The following TBC1D19 variants were observed in gnomAD, a reference collection of about 807,000 sequenced individuals.
TBC1D19 encodes TBC1 domain family, member 19.
In TBC1D19, 60 loss-of-function variants were observed where a neutral mutation model predicts 89.0. That is an observed-to-expected ratio of 0.67 (90% CI 0.55 to 0.84). The LOEUF is 0.84. Ranked by LOEUF, TBC1D19 falls within the 40% of genes least tolerant of loss-of-function variation. The pLI, the probability that TBC1D19 is intolerant of heterozygous loss-of-function variation, is 0.00. For synonymous variants in TBC1D19, 189 were observed against 199.7 expected (o/e 0.95, Z 0.45); for missense variants, 500 against 610.8 (o/e 0.82, Z 1.91).
chr4:26,745,435 A>G (rs975743833), intron 18 of TBC1D19, among the ~76,000 whole-genome samples: 13 of 137,840 alleles, frequency 9.4e-5, no homozygotes, highest in African/African-American at 3.5e-4. Context: ...TATCTCCACT[A>G]TTAGATTTTT....
chr4:26,673,446 T>TATATATATATATATAC (rs373807642), intron 10 of TBC1D19, among the ~76,000 whole-genome samples: 1 of 90,884 alleles, frequency 1.1e-5, no homozygotes, highest in Admixed American at 1.5e-4. Flanking sequence ...TATATATATA[T>TATATATATATATATAC]ACACACACAC....
chr4:26,594,327 C>T (rs925336089), intron 1 of TBC1D19, among the ~76,000 whole-genome samples: 23 of 152,126 alleles, frequency 1.5e-4, no homozygotes, highest in African/African-American at 5.1e-4. Context: ...ACATCACACA[C>T]GGAGGCCTGT....
the TBC1D19 span, among the ~76,000 whole-genome samples, chr4:26,837,304 C>A: frequency 6.6e-6 from 1 of 152,046 alleles, no homozygotes; most frequent in Non-Finnish European, 1.5e-5. Flanking sequence ...TGGAGAAGAC[C>A]ATTTTGCTTA....
At chr4:26,594,757 A>T (rs1293049916) in intron 1 of TBC1D19, among the ~76,000 whole-genome samples, 1 of 152,142 alleles carries the variant, frequency 6.6e-6, no homozygotes. Context: ...AATCCGACTG[A>T]GCCGGTGCAC....
the TBC1D19 span, among the ~76,000 whole-genome samples, chr4:26,854,596 G>C: frequency 6.6e-6 from 1 of 152,316 alleles, no homozygotes; most frequent in Middle Eastern, 3.4e-3. Context: ...TCCTTGGAGC[G>C]TGACTTGTTG....
intron 1 of TBC1D19, among the ~76,000 whole-genome samples, chr4:26,599,850 A>G (rs1740476740): frequency 6.9e-6 from 1 of 145,848 alleles, no homozygotes; most frequent in African/African-American, 2.5e-5. Flanking sequence ...GAGGAGGCTG[A>G]GGCAGGAGAA....
chr4:26,610,546 TCAC>T, intron 1 of TBC1D19, among the ~76,000 whole-genome samples: 1 of 152,088 alleles, frequency 6.6e-6, no homozygotes, highest in Non-Finnish European at 1.5e-5. Context: ...GATTATTTCG[TCAC>T]CCAGATAGTG....
In TBC1D19 at chr4:26,735,517, T is replaced by C. The variant is rs756357759; in HGVS notation, c.1117+30T>C. The C allele has an allele frequency of 2.0e-6, 3 of 1,531,970 alleles. No homozygotes were observed. The East Asian group carries it at 7.0e-5, about 36-fold the overall frequency. 94.9% of individuals were successfully genotyped at this position (1,531,970 alleles called of 1,614,324 possible). A position where few individuals can be genotyped will look rare whatever the true frequency, so the allele number is the denominator to read the frequency against. On this transcript the variant is annotated intron_variant, in intron 16 of 20. Coordinates refer to ENST00000264866, the MANE Select transcript of TBC1D19 (RefSeq NM_018317.4). ...GTTGGGCTTTAAAAACATCATAATGTACACAAAACATACAATGTTATCTGT... is the reference window on the plus strand; with the variant it reads ...GTTGGGCTTTAAAAACATCATAATGCACACAAAACATACAATGTTATCTGT...
At chr4:26,613,728 A>G (rs1197902493) in intron 2 of TBC1D19, among the ~76,000 whole-genome samples, 1 of 152,220 alleles carries the variant, frequency 6.6e-6, no homozygotes, top group Non-Finnish European at 1.5e-5. Flanking sequence ...ATGGATAAAT[A>G]CATCCATAAG....
chr4:26,797,692 T>C, the TBC1D19 span, among the ~76,000 whole-genome samples: 2 of 152,096 alleles, frequency 1.3e-5, no homozygotes, highest in African/African-American at 4.8e-5. Context: ...GCTACAAAAT[T>C]AGACACATAG....
the TBC1D19 span, among the ~76,000 whole-genome samples, chr4:26,823,523 G>T: frequency 6.6e-6 from 1 of 152,224 alleles, no homozygotes; most frequent in Non-Finnish European, 1.5e-5. Context: ...AAGATGTGGG[G>T]TGTGGAATTG....
chr4:26,637,317 T>C (rs1163363648), intron 5 of TBC1D19, 32 bp downstream of exon 5: 5 of 1,466,490 alleles, frequency 3.4e-6, no homozygotes, highest in Non-Finnish European at 4.7e-6. Flanking sequence ...TTTAAGTATT[T>C]CATTGTGAAT....
intron 1 of TBC1D19, among the ~76,000 whole-genome samples, chr4:26,598,566 T>G (rs541075896): frequency 6.6e-6 from 1 of 152,256 alleles, no homozygotes; most frequent in South Asian, 2.1e-4. Flanking sequence ...AGCTAATTTT[T>G]TGTATTTTTA....
upstream of TBC1D19, chr4:26,583,956 G>A (rs181485058): frequency 5.6e-4 from 304 of 542,006 alleles, no homozygotes; most frequent in African/African-American, 5.5e-3. Context: ...TGTGAAAAGC[G>A]TCCTCCCCGC....
At chr4:26,848,988 T>G in the TBC1D19 span, among the ~76,000 whole-genome samples, 1 of 152,002 alleles carries the variant, frequency 6.6e-6, no homozygotes, top group Non-Finnish European at 1.5e-5. Flanking sequence ...GGTCCCGGAG[T>G]TTGAGACCCT....
At chr4:26,847,637 A>G in the TBC1D19 span, among the ~76,000 whole-genome samples, 1 of 152,214 alleles carries the variant, frequency 6.6e-6, no homozygotes, top group African/African-American at 2.4e-5. Context: ...TATTGCTTTT[A>G]CTCCAAGCTG....
chr4:26,748,925 A>C (rs1277972127), intron 19 of TBC1D19, among the ~76,000 whole-genome samples: 3 of 152,164 alleles, frequency 2.0e-5, no homozygotes, highest in African/African-American at 7.2e-5. Context: ...AACACCTAAG[A>C]TCCAAACTGA....
chr4:26,613,142 CTTTT>C (rs775236160), intron 1 of TBC1D19, 23 bp from the exon 2 acceptor site: 1 of 1,413,772 alleles, frequency 7.1e-7, no homozygotes, highest in Non-Finnish European at 9.6e-7. Flanking sequence ...CCTTATCTTT[CTTTT>C]TTATTATTAT....
At position 26,614,438 on chromosome 4, in the gene TBC1D19, A is replaced by T. The variant is rs752773650; in HGVS notation, c.203A>T (p.Tyr68Phe). 2 of 1,594,630 alleles carry T rather than the reference A, an allele frequency of 1.3e-6. No individual in the cohort carries two copies. Among genetic ancestry groups the T allele is most frequent in the East Asian group, 4.5e-5 (2 of 44,442 alleles). ...GAGAAGAAACTTCAGAATGCTGTTT[A>T]TAGTGAACTGAGTGTGTGAGTTTTC... The part of the protein sequence containing the change: ...GWEKKLQNAV[Y>F]SELSVFPLPS... The change falls in exon 3 of 21, where the codon TAT becomes TTT. Residue 68 changes from tyrosine (Y) to phenylalanine (F), a missense_variant. Transcript: ENST00000264866.
Sources: allele counts gnomAD v4.1 joint callset (sites outside exome capture counted in the v4.1 genomes callset), GRCh38; gene constraint gnomAD v4.1.1; transcripts MANE v1.5; gene names NCBI Gene and HGNC (gene_info 2026-07-23, HGNC 2026-07-21).